INF2: variants seen among roughly 807,000 people sequenced by gnomAD.
INF2 encodes inverted formin-2.
INF2 carries 43 observed loss-of-function variants against 123.5 expected under a neutral mutation model. The observed-to-expected ratio is 0.35, with a 90% CI of 0.27 to 0.45. The LOEUF is 0.45. INF2 is among the 20% of genes least tolerant of loss of function. INF2 has a pLI of 1.00. For missense variants in INF2, 1,453 were observed against 1,682.7 expected (o/e 0.86, Z 2.39); for synonymous variants, 851 against 745.0 (o/e 1.14, Z -2.32).
chr14:104,681,716 G>A (rs1252561079), intron 1 of INF2: 2 of 684,496 alleles, frequency 2.9e-6, no homozygotes, highest in African/African-American at 3.7e-5. Context: ...CAGCACGCTG[G>A]TGCAGAGCCG....
chr14:104,691,751 G>A (rs560043460), intron 1 of INF2, among the ~76,000 whole-genome samples: 4 of 152,230 alleles, frequency 2.6e-5, no homozygotes, highest in Admixed American at 2.0e-4. Context: ...CCCGTCGCTG[G>A]AGGGGTGAGC....
chr14:104,705,228 C>A (rs1889725456), intron 5 of INF2, among the ~76,000 whole-genome samples: 1 of 152,188 alleles, frequency 6.6e-6, no homozygotes, highest in Non-Finnish European at 1.5e-5. Flanking sequence ...ACCAGCTTGG[C>A]CAACATGGTG....
At position 104,703,420 on chromosome 14, in the gene INF2, G is replaced by A. The variant is rs779529974; in HGVS notation, c.633G>A (p.Leu211=). ...INAVILGPED[L]RARTQLRNEF... ...CCGTCATCTTGGGCCCCGAGGACCT[G>A]CGCGCGCGCACCCAGCTGCGGAACG... Residue 211 remains leucine, a synonymous_variant, in exon 4 of 23, where the codon CTG becomes CTA. Transcript: ENST00000392634. 1.9e-6 allele frequency: 3 copies of A among 1,612,514 alleles called. No individual in the cohort carries two copies. The Admixed American group carries it at 5.0e-5, about 27-fold the overall frequency.
chr14:104,701,356 G>C lies in INF2; in HGVS notation c.-9-1G>C. Reference sequence around the variant, plus strand: ...GACGGCTCCCTGCCCTCTGCCTGCAGCTCGGCAAGATGTCGGTGAAGGAGG... The same window carrying C: ...GACGGCTCCCTGCCCTCTGCCTGCACCTCGGCAAGATGTCGGTGAAGGAGG... On this transcript the variant is annotated splice_acceptor_variant, in intron 1 of 22. Transcript: ENST00000392634. LOFTEE classifies it low-confidence loss of function (5UTR_SPLICE). 1.9e-6 allele frequency: 3 copies of C among 1,571,340 alleles called. No individual in the cohort carries two copies. The highest frequency in any genetic ancestry group is 2.6e-6 in the Non-Finnish European group (3 of 1,157,380).
intron 6 of INF2, 57 bp from the exon 7 acceptor site, chr14:104,706,853 C>T (rs1889801226): frequency 1.3e-6 from 2 of 1,587,242 alleles, no homozygotes; most frequent in Non-Finnish European, 1.7e-6. Flanking sequence ...GGCCACAGTC[C>T]TTAGTCCACC....
intron 8 of INF2, 190 bp downstream of exon 8, chr14:104,708,192 T>C (rs1889875918): frequency 3.1e-6 from 3 of 956,900 alleles, no homozygotes; most frequent in Non-Finnish European, 4.6e-6. Context: ...GGGCAGGGGC[T>C]ACCTCTGAGG....
chr14:104,715,613 G>A (rs1247974369), intron 22 of INF2: 2 of 597,024 alleles, frequency 3.3e-6, no homozygotes, highest in Non-Finnish European at 6.0e-6. Context: ...GAGGGCAGGT[G>A]GCAGGGCCAG....
At chr14:104,692,239 G>C (rs1888987613) in intron 1 of INF2, among the ~76,000 whole-genome samples, 1 of 152,246 alleles carries the variant, frequency 6.6e-6, no homozygotes, top group Admixed American at 6.5e-5. Flanking sequence ...GTGCGACGTG[G>C]GTCCTGCAGG....
In INF2 at chr14:104,714,228, T is replaced by C. The variant is rs4983535; in HGVS notation, c.3066T>C (p.Asp1022=). The C allele has an allele frequency of 0.77, 1,201,217 of 1,556,818 alleles. 465,065 individuals carry two copies. The highest frequency in any genetic ancestry group is 0.92 in the East Asian group (39,462 of 42,772). Residue 1022 remains aspartate, a synonymous_variant, in exon 21 of 23, where the codon GAT becomes GAC. Coordinates refer to ENST00000392634, the MANE Select transcript of INF2 (RefSeq NM_022489.4). ...TGGCCACCAGTAACCCTGCAGGAGA[T>C]CCCGTGGGCAGCACGCGCTGTCCCG... ...EPVATSNPAG[D]PVGSTRCPAS... is the part of the protein sequence containing the mutation.
rs1240827500 is a variant in INF2 at position 104,721,752 on chromosome 14, T to G, written c.*2959T>G. ...CCTGGAGAGGTGGGACTGGGGACCC[T>G]GTGACAGGAGGAGCTGCCCTTCCTG... On this transcript the variant is annotated 3_prime_UTR_variant, in exon 23 of 23. Transcript: ENST00000392634. 6.6e-6 allele frequency: 1 copy of G among 152,254 alleles called. No homozygotes were observed. Among genetic ancestry groups the G allele is most frequent in the Admixed American group, 6.5e-5 (1 of 15,272 alleles). 9.4% of individuals were successfully genotyped at this position (152,254 alleles called of 1,614,324 possible).
upstream of INF2, chr14:104,689,501 A>G: frequency 1.0e-5 from 1 of 100,366 alleles, no homozygotes; most frequent in Non-Finnish European, 1.6e-5. Context: ...GGCCACCCCC[A>G]GCCACCCACC....
chr14:104,710,448 C>T (rs113806806), intron 13 of INF2, among the ~76,000 whole-genome samples: 60 of 148,396 alleles, frequency 4.0e-4, no homozygotes, highest in African/African-American at 1.3e-3. Flanking sequence ...CTCTCCGGCA[C>T]GCGCACACAC....
At chr14:104,708,227 G>C in intron 8 of INF2, 1 of 868,534 alleles carries the variant, frequency 1.2e-6, no homozygotes, top group East Asian at 2.7e-5. Context: ...GCTCCCGTGA[G>C]CCAGTGCATC....
rs1441972741 is a variant in INF2 at position 104,699,798 on chromosome 14, G to A, written c.-9-1559G>A. Among the ~76,000 whole-genome samples, 2 of 152,186 alleles carry A rather than the reference G, an allele frequency of 1.3e-5. No homozygotes were observed. The highest frequency in any genetic ancestry group is 4.8e-5 in the African/African-American group (2 of 41,446). ...TGGAGGTGCAGAAGAAGAAACTGAG[G>A]CCCAGGCAGGATGAGTGACTGGGCC... On this transcript the variant is annotated intron_variant, in intron 1 of 22. Coordinates refer to ENST00000392634, the MANE Select transcript of INF2 (RefSeq NM_022489.4). The surrounding 1 kb of genome is among the most constrained non-coding windows in gnomAD (Gnocchi z 4.7).
intron 1 of INF2, chr14:104,681,726 G>C (rs140097217): frequency 4.9e-6 from 3 of 609,854 alleles, no homozygotes; most frequent in South Asian, 1.7e-5. Flanking sequence ...GTGCAGAGCC[G>C]GGACAGCCTG....
At chr14:104,708,820 A>AGGCC in intron 10 of INF2, 88 bp downstream of exon 10, 1 of 1,352,198 alleles carries the variant, frequency 7.4e-7, no homozygotes, top group Non-Finnish European at 1.1e-6. Context: ...TGCCCTCTGC[A>AGGCC]GGCCGCCATG....
Position 104,707,718 on chromosome 14 carries a change from G to A in INF2, c.1451G>A (p.Cys484Tyr), listed in dbSNP as rs201323100. 5.1e-3 allele frequency: 6,262 copies of A among 1,239,684 alleles called. 25 individuals are homozygous for A. The highest frequency in any genetic ancestry group is 6.1e-3 in the Non-Finnish European group (5,520 of 903,286). The allele number at this position is 1,239,684 out of a possible 1,614,324, so 76.8% of individuals were successfully genotyped here. Residue 484 changes from cysteine (C) to tyrosine (Y), a missense_variant, in exon 8 of 23, where the codon TGT becomes TAT. By Grantham distance (194) the Cys-to-Tyr change is radical. This residue lies in a region of INF2 where 374 missense variants were observed against 303.7 expected (regional missense o/e 1.23). Transcript: ENST00000392634. The stretch of plus-strand genomic sequence containing the variant: ...CTACCACCACCCCTGCCAGGCTCCT[G>A]TGAGTTCCTGCCCCCACCACCTCCA... Reference protein sequence around the residue: ...PPLPPPLPGSCEFLPPPPPPL... With the variant: ...PPLPPPLPGSYEFLPPPPPPL...
chr14:104,713,507 A>G lies in INF2; in HGVS notation c.2941A>G (p.Arg981Gly). ...CATCGATGCCCTGCTGGCTGACATC[A>G]GGAAGGGCTTCCAGCTGCGGAAGAC... The part of the protein sequence containing the change: ...CVIDALLADI[R>G]KGFQLRKTAR... The change falls in exon 20 of 23, where the codon AGG (arginine) becomes GGG (glycine). Residue 981 changes from arginine (R) to glycine (G), a missense_variant. Physicochemically the swap from Arg to Gly is moderately radical, Grantham distance 125 (BLOSUM62 -2). This residue lies in a region of INF2 where 212 missense variants were observed against 266.2 expected (regional missense o/e 0.80). Transcript: ENST00000392634. The G allele has an allele frequency of 6.2e-7, 1 of 1,611,736 alleles. No individual in the cohort carries two copies. The highest frequency in any genetic ancestry group is 8.5e-7 in the Non-Finnish European group (1 of 1,179,508).
chr14:104,709,440 G>T, intron 11 of INF2, 57 bp downstream of exon 11: 1 of 1,431,592 alleles, frequency 7.0e-7, no homozygotes, highest in Non-Finnish European at 9.8e-7. Context: ...CAAGGGAGAG[G>T]CTGTCCCGGG....
Sources: allele counts gnomAD v4.1 joint callset (sites outside exome capture counted in the v4.1 genomes callset), GRCh38; gene constraint gnomAD v4.1.1; regional missense constraint gnomAD v4.1.1; non-coding constraint Gnocchi (gnomAD v3.1); transcripts MANE v1.5; gene names NCBI Gene and HGNC (gene_info 2026-07-23, HGNC 2026-07-21).